Variants in HS3ST4 observed in about 807,000 individuals in gnomAD.
HS3ST4 encodes the protein heparan sulfate glucosamine 3-O-sulfotransferase 4.
Under a neutral mutation model 29.2 loss-of-function variants are expected in HS3ST4, and 17 were observed. The observed-to-expected ratio is 0.58, with a 90% CI of 0.40 to 0.87. The LOEUF (loss-of-function observed/expected upper bound fraction) is 0.87, where lower values mean the gene tolerates loss of function less well. HS3ST4 is among the 40% of genes least tolerant of loss of function. HS3ST4 has a pLI of 0.00. For missense variants in HS3ST4, 627 were observed against 634.5 expected, an observed-to-expected ratio of 0.99 and a Z score of 0.13; for synonymous variants, 314 against 285.7, an observed-to-expected ratio of 1.10 and a Z score of -1.00.
At chr16:26,115,677 A>T (rs1019970958) in intron 1 of HS3ST4, among the ~76,000 whole-genome samples, 1 of 152,120 alleles carries the variant, frequency 6.6e-6, no homozygotes, top group Non-Finnish European at 1.5e-5. Flanking sequence ...GAGGCTGATG[A>T]GGGAGAAGGA....
intron 1 of HS3ST4, among the ~76,000 whole-genome samples, chr16:25,772,617 C>T (rs928931504): frequency 6.6e-6 from 1 of 152,132 alleles, no homozygotes; most frequent in African/African-American, 2.4e-5. Context: ...GAACCTCAGC[C>T]TTTCAACTGA....
chr16:25,823,958 T>C (rs1967189846), intron 1 of HS3ST4, among the ~76,000 whole-genome samples: 1 of 152,188 alleles, frequency 6.6e-6, no homozygotes, highest in Non-Finnish European at 1.5e-5. Context: ...TAAAAAGCAG[T>C]AGAGAACTTG....
intron 1 of HS3ST4, among the ~76,000 whole-genome samples, chr16:25,914,069 T>G: frequency 7.0e-6 from 1 of 142,598 alleles, no homozygotes; most frequent in South Asian, 2.3e-4. Context: ...GTGCACGGAG[T>G]GTGTGTGTGG....
chr16:25,892,506 G>A (rs945213486), intron 1 of HS3ST4, among the ~76,000 whole-genome samples: 3 of 152,188 alleles, frequency 2.0e-5, no homozygotes, highest in Non-Finnish European at 4.4e-5. Context: ...ACAAAGCCTT[G>A]TTCAAATATG....
Position 25,875,493 on chromosome 16 carries a change from G to A in HS3ST4, c.734+182342G>A, listed in dbSNP as rs541543016. 7.9e-5 allele frequency among the ~76,000 whole-genome samples: 12 copies of A among 152,206 alleles called. No individual in the cohort carries two copies. In the South Asian group the frequency reaches 1.5e-3, roughly 18 times the overall value. ...CACCTACATTCCCTGTGTGAAATGCGTAGAATGAATTTCTAGCAATCCCTG... is the reference window on the plus strand; with the variant it reads ...CACCTACATTCCCTGTGTGAAATGCATAGAATGAATTTCTAGCAATCCCTG... On this transcript the variant is annotated intron_variant, in intron 1 of 1. Coordinates refer to ENST00000331351, the MANE Select transcript of HS3ST4 (RefSeq NM_006040.3).
At chr16:26,019,722 A>G (rs1969393622) in intron 1 of HS3ST4, among the ~76,000 whole-genome samples, 2 of 152,210 alleles carry the variant, frequency 1.3e-5, no homozygotes, top group African/African-American at 4.8e-5. Context: ...TGGTTTGAAC[A>G]TTAACATGGA....
At chr16:25,847,749 T>C (rs1967480503) in intron 1 of HS3ST4, among the ~76,000 whole-genome samples, 1 of 152,144 alleles carries the variant, frequency 6.6e-6, no homozygotes, top group African/African-American at 2.4e-5. Context: ...ACATATAGGG[T>C]TTGTCCTCTT....
intron 1 of HS3ST4, among the ~76,000 whole-genome samples, chr16:25,935,726 A>T (rs1335555422): frequency 6.6e-6 from 1 of 152,146 alleles, no homozygotes; most frequent in Non-Finnish European, 1.5e-5. Context: ...CTGCTAAATG[A>T]CACCTGGTTG....
chr16:25,740,362 G>A (rs993869814), intron 1 of HS3ST4, among the ~76,000 whole-genome samples: 3 of 152,080 alleles, frequency 2.0e-5, no homozygotes, highest in African/African-American at 7.2e-5. Flanking sequence ...ATAAATTGTG[G>A]CACCATTGAG....
chr16:25,971,142 C>T (rs111339050), intron 1 of HS3ST4, among the ~76,000 whole-genome samples: 4 of 152,240 alleles, frequency 2.6e-5, no homozygotes, highest in African/African-American at 7.2e-5. Context: ...TGAGCCATTG[C>T]GTTCAGCCAC....
chr16:25,927,245 C>T (rs1279599528), intron 1 of HS3ST4, among the ~76,000 whole-genome samples: 3 of 152,058 alleles, frequency 2.0e-5, no homozygotes, highest in Admixed American at 6.6e-5. Context: ...AAAAAAATTG[C>T]CAGAGAGCTT....
At chr16:26,095,914 A>AT in intron 1 of HS3ST4, among the ~76,000 whole-genome samples, 1 of 152,330 alleles carries the variant, frequency 6.6e-6, no homozygotes, top group South Asian at 2.1e-4. Context: ...AATAGATGCA[A>AT]CAAAAAATGA....
intron 1 of HS3ST4, among the ~76,000 whole-genome samples, chr16:25,936,152 A>T (rs1968515049): frequency 6.6e-6 from 1 of 152,200 alleles, no homozygotes; most frequent in South Asian, 2.1e-4. Context: ...AAAGGGATGT[A>T]TTTAGGTGAT....
Position 25,861,383 on chromosome 16 carries a change from C to A in HS3ST4, c.734+168232C>A, listed in dbSNP as rs116820293. On this transcript the variant is annotated intron_variant, in intron 1 of 1. Coordinates refer to ENST00000331351, the MANE Select transcript of HS3ST4 (RefSeq NM_006040.3). The stretch of plus-strand genomic sequence containing the variant: ...TCTGAGCTGTCTACCATGAAAAATT[C>A]TATCCTGCTTACACTAATTAGAGCC... 4.9e-3 allele frequency among the ~76,000 whole-genome samples: 742 copies of A among 152,312 alleles called. 7 individuals are homozygous for A. The highest frequency in any genetic ancestry group is 0.017 in the African/African-American group (708 of 41,562).
intron 1 of HS3ST4, among the ~76,000 whole-genome samples, chr16:25,994,591 A>T (rs538390548): frequency 2.2e-4 from 34 of 152,216 alleles, no homozygotes; most frequent in Non-Finnish European, 4.3e-4. Context: ...ATGTCTTTAA[A>T]TATGTTATTT....
At chr16:25,904,114 G>A (rs896333905) in intron 1 of HS3ST4, among the ~76,000 whole-genome samples, 1 of 96,068 alleles carries the variant, frequency 1.0e-5, no homozygotes, top group Non-Finnish European at 2.2e-5. Flanking sequence ...ATGAATGGAT[G>A]GATGGATGGA....
At chr16:25,909,658 G>A (rs114767625) in intron 1 of HS3ST4, among the ~76,000 whole-genome samples, 169 of 152,298 alleles carry the variant, frequency 1.1e-3, no homozygotes, top group African/African-American at 3.9e-3. Context: ...ATGTTTAACT[G>A]AGATCCAGCG....
intron 1 of HS3ST4, among the ~76,000 whole-genome samples, chr16:25,756,445 T>G (rs1463324116): frequency 6.6e-6 from 1 of 152,080 alleles, no homozygotes; most frequent in East Asian, 1.9e-4. Context: ...AGTTGAGGGA[T>G]GATTAAGACA....
chr16:25,695,869 CAT>C (rs778760287), intron 1 of HS3ST4, among the ~76,000 whole-genome samples: 72 of 152,214 alleles, frequency 4.7e-4, no homozygotes, highest in Admixed American at 2.0e-3. Context: ...GAATTCTGCA[CAT>C]GTTTCTGGTT....
Sources: allele counts gnomAD v4.1 joint callset (sites outside exome capture counted in the v4.1 genomes callset), GRCh38; gene constraint gnomAD v4.1.1; transcripts MANE v1.5; gene names NCBI Gene and HGNC (gene_info 2026-07-23, HGNC 2026-07-21).